The following SORL1 variants were observed in gnomAD, a reference collection of about 807,000 sequenced individuals.
SORL1 encodes sortilin related receptor 1, also known as sortilin-related receptor.
In SORL1, 127 loss-of-function variants were observed where a neutral mutation model predicts 273.7. The ratio of observed to expected loss-of-function variants is 0.46; its 90% CI spans 0.40 to 0.54. SORL1 has a LOEUF of 0.54. SORL1 is among the 20% of genes least tolerant of loss of function. The probability of loss-of-function intolerance (pLI) is 0.00; values close to 1 mark genes in which losing one functional copy is unlikely to be tolerated. For missense variants in SORL1, 2,494 were observed against 2,846.1 expected (o/e 0.88, Z 2.81); for synonymous variants, 1,031 against 1,067.4 (o/e 0.97, Z 0.66).
rs1863886125 is a variant in SORL1 at position 121,632,204 on chromosome 11, G to A, written c.*2641G>A. On this transcript the variant is annotated 3_prime_UTR_variant, in exon 48 of 48. Transcript: ENST00000260197. Reference sequence around the variant, plus strand: ...AGATGCTTGCATCCATGTGGACCACGATGGGCCTCTAAAAATTGGTGGGCA... The same window carrying A: ...AGATGCTTGCATCCATGTGGACCACAATGGGCCTCTAAAAATTGGTGGGCA... The A allele has an allele frequency of 1.3e-5, 2 of 152,204 alleles. No homozygotes were observed. Among genetic ancestry groups the A allele is most frequent in the East Asian group, 1.9e-4 (1 of 5,198 alleles). 9.4% of individuals were successfully genotyped at this position (152,204 alleles called of 1,614,324 possible).
At chr11:121,493,345 C>T (rs2134818176) in intron 5 of SORL1, among the ~76,000 whole-genome samples, 1 of 152,312 alleles carries the variant, frequency 6.6e-6, no homozygotes. Context: ...CAACCTCTGC[C>T]TCCCGGATTC....
intron 4 of SORL1, among the ~76,000 whole-genome samples, chr11:121,488,763 A>C (rs1861511843): frequency 6.6e-6 from 1 of 152,230 alleles, no homozygotes; most frequent in Non-Finnish European, 1.5e-5. Flanking sequence ...TTATATCTCA[A>C]GGTTGAAGCT....
chr11:121,607,024 A>G (rs564524562), intron 36 of SORL1, 67 bp downstream of exon 36: 5 of 1,248,920 alleles, frequency 4.0e-6, no homozygotes, highest in East Asian at 2.3e-5. Flanking sequence ...GGTATTCTGT[A>G]TGACGAGGGG....
intron 24 of SORL1, chr11:121,576,704 C>G: frequency 7.1e-7 from 1 of 1,411,564 alleles, no homozygotes; most frequent in South Asian, 1.6e-5. Context: ...TGGTTCTTAC[C>G]AGGCCCCCAC....
intron 45 of SORL1, among the ~76,000 whole-genome samples, chr11:121,623,345 C>G (rs907540031): frequency 6.6e-6 from 1 of 152,186 alleles, no homozygotes; most frequent in African/African-American, 2.4e-5. Flanking sequence ...TTGGTTCAAA[C>G]TCAAGTAAGG....
chr11:121,501,280 T>A (rs537131253), intron 6 of SORL1, among the ~76,000 whole-genome samples: 21 of 152,342 alleles, frequency 1.4e-4, no homozygotes, highest in African/African-American at 4.6e-4. Context: ...TTAGTGGTTT[T>A]TAGTTTATTC....
At chr11:121,516,669 C>CCATG (rs1359313370) in intron 8 of SORL1, among the ~76,000 whole-genome samples, 6 of 152,174 alleles carry the variant, frequency 3.9e-5, no homozygotes, top group Non-Finnish European at 8.8e-5. Context: ...ACCATTCCTG[C>CCATG]CATGATACAT....
At chr11:121,505,523 T>A (rs1414583100) in intron 6 of SORL1, among the ~76,000 whole-genome samples, 1 of 152,078 alleles carries the variant, frequency 6.6e-6, no homozygotes, top group Non-Finnish European at 1.5e-5. Context: ...TGTTTCTATG[T>A]TCTTAAGGTG....
chr11:121,611,079 T>C lies in SORL1; in HGVS notation c.5243T>C (p.Ile1748Thr). The change falls in exon 39 of 48, where the codon ATC becomes ACC. Residue 1748 changes from isoleucine to threonine, a missense_variant. Ile to Thr is a moderately conservative substitution (Grantham distance 89, BLOSUM62 -1). This residue lies in a region of SORL1 where 1,609 missense variants were observed against 1,816.4 expected (regional missense o/e 0.89). Coordinates refer to ENST00000260197, the MANE Select transcript of SORL1 (RefSeq NM_003105.6). ...KSITTIKGKV[I>T]PPPDIHIDSY... Reference sequence around the variant, plus strand: ...TTGAATTCCTTTTTGTTTTCAGTGATCCCACCACCAGATATCCACATTGAC... The same window carrying C: ...TTGAATTCCTTTTTGTTTTCAGTGACCCCACCACCAGATATCCACATTGAC... The C allele has an allele frequency of 6.2e-7, 1 of 1,611,742 alleles. No homozygotes were observed. The highest frequency in any genetic ancestry group is 8.5e-7 in the Non-Finnish European group (1 of 1,177,936).
chr11:121,580,164 G>A (rs1006439553), intron 25 of SORL1, among the ~76,000 whole-genome samples: 3 of 152,160 alleles, frequency 2.0e-5, no homozygotes, highest in Non-Finnish European at 4.4e-5. Context: ...TAAGATCTGA[G>A]AATTTTTCGA....
At chr11:121,497,217 G>C (rs1861645986) in intron 6 of SORL1, among the ~76,000 whole-genome samples, 168 bp downstream of exon 6, 2 of 152,214 alleles carry the variant, frequency 1.3e-5, no homozygotes, top group African/African-American at 4.8e-5. Context: ...CATTCCGAAA[G>C]GGCTTGGCAG....
Position 121,550,015 on chromosome 11 carries a change from C to G in SORL1, c.2107C>G (p.Pro703Ala). The G allele has an allele frequency of 6.2e-7, 1 of 1,613,700 alleles. No homozygotes were observed. Among genetic ancestry groups the G allele is most frequent in the Non-Finnish European group, 8.5e-7 (1 of 1,179,702 alleles). The change falls in exon 15 of 48, where the codon CCG becomes GCG. Residue 703 changes from proline (P) to alanine (A), a missense_variant. By Grantham distance (27) the Pro-to-Ala change is conservative. Around this residue, in one of 3 missense-constraint regions of SORL1, gnomAD observed 710 missense variants for 882.5 expected, o/e 0.80. Coordinates refer to ENST00000260197, the MANE Select transcript of SORL1 (RefSeq NM_003105.6). This position sits in a 1 kb window ranked among gnomAD's most constrained non-coding sequence, Gnocchi z 5.3. ...DLSLEVCVPDPEFSGKSYSPP... is the reference protein window; with the variant it reads ...DLSLEVCVPDAEFSGKSYSPP... The stretch of plus-strand genomic sequence containing the variant: ...GTCATTAGAGGTTTGTGTTCCAGAT[C>G]CGGAATTTTCTGGAAAGTCATACTC...
Position 121,591,041 on chromosome 11 carries a change from G to A in SORL1, c.4254G>A (p.Thr1418=), listed in dbSNP as rs200376683. ...CCTTCTCGACTCCTGGGCCCTCCAC[G>A]TGTCTGCCCAATTACTACCGCTGCA... ...ILPFSTPGPS[T]CLPNYYRCSS... The change falls in exon 31 of 48, where the codon ACG becomes ACA. Residue 1418 remains threonine, a synonymous_variant. Transcript: ENST00000260197. 35 of 1,614,184 alleles carry A rather than the reference G, an allele frequency of 2.2e-5. No individual in the cohort carries two copies. Among genetic ancestry groups the A allele is most frequent in the Admixed American group, 3.3e-5 (2 of 60,026 alleles).
At position 121,595,564 on chromosome 11, in the gene SORL1, C is replaced by T. The variant is rs1438720011; in HGVS notation, c.4370-59C>T. On this transcript the variant is annotated intron_variant, in intron 31 of 47. Transcript: ENST00000260197. This position sits in a 1 kb window ranked among gnomAD's most constrained non-coding sequence, Gnocchi z 5.1. ...AATCTCCTAGCATATTGATTGGTTGCTGTTATTGGCCAGCTCCCTCAATAT... is the reference window on the plus strand; with the variant it reads ...AATCTCCTAGCATATTGATTGGTTGTTGTTATTGGCCAGCTCCCTCAATAT... The T allele has an allele frequency of 3.5e-6, 5 of 1,425,372 alleles. No individual in the cohort carries two copies. Among genetic ancestry groups the T allele is most frequent in the Non-Finnish European group, 3.8e-6 (4 of 1,043,574 alleles). 88.3% of individuals were successfully genotyped at this position (1,425,372 alleles called of 1,614,324 possible). A position where few individuals can be genotyped will look rare whatever the true frequency, so the allele number is the denominator to read the frequency against.
intron 47 of SORL1, among the ~76,000 whole-genome samples, chr11:121,628,022 T>G (rs1800550310): frequency 6.6e-6 from 1 of 152,192 alleles, no homozygotes; most frequent in Non-Finnish European, 1.5e-5. Flanking sequence ...CCCCAGGCCT[T>G]GAGACTCCCA....
intron 47 of SORL1, chr11:121,629,178 G>A: frequency 2.9e-6 from 1 of 341,178 alleles, no homozygotes; most frequent in Non-Finnish European, 5.4e-6. Flanking sequence ...AACTCAAACT[G>A]GGGAACCCAA....
chr11:121,460,118 G>T (rs764948376), intron 1 of SORL1, among the ~76,000 whole-genome samples: 1 of 152,186 alleles, frequency 6.6e-6, no homozygotes, highest in African/African-American at 2.4e-5. Flanking sequence ...CATTTGTGCC[G>T]TGTAGAGACC....
chr11:121,566,281 G>A (rs533174359), intron 21 of SORL1, among the ~76,000 whole-genome samples: 5 of 151,794 alleles, frequency 3.3e-5, no homozygotes, highest in East Asian at 3.9e-4. Flanking sequence ...AAAATTATTC[G>A]GAATTTTGAA....
intron 21 of SORL1, among the ~76,000 whole-genome samples, chr11:121,562,446 A>G (rs977051772): frequency 6.6e-6 from 1 of 152,246 alleles, no homozygotes. Flanking sequence ...TAAACAATGT[A>G]TAAGATTTAA....
Sources: gnomAD v4.1 joint callset for allele counts (sites outside exome capture counted in the v4.1 genomes callset) on GRCh38, gnomAD v4.1.1 for gene constraint, gnomAD v4.1.1 regional missense constraint, Gnocchi (gnomAD v3.1) non-coding constraint, MANE v1.5 for transcripts, NCBI Gene and HGNC (gene_info 2026-07-23, HGNC 2026-07-21) for gene names.